The following RPS6KC1 variants were observed in gnomAD, a reference collection of about 807,000 sequenced individuals.
RPS6KC1 encodes ribosomal protein S6 kinase C1, also known as inactive ribosomal protein S6 kinase delta-1.
A neutral mutation model predicts 103.8 loss-of-function variants in RPS6KC1; 54 were observed. That is an observed-to-expected ratio of 0.52 (90% CI 0.42 to 0.65). RPS6KC1 has a LOEUF of 0.65. RPS6KC1 is among the 30% of genes least tolerant of loss of function. RPS6KC1 has a pLI of 0.00. For synonymous variants in RPS6KC1, 439 were observed against 438.7 expected, an observed-to-expected ratio of 1.00 and a Z score of -0.01; for missense variants, 1,151 against 1,253.8, an observed-to-expected ratio of 0.92 and a Z score of 1.24.
chr1:213,439,189 T>C, the RPS6KC1 span, among the ~76,000 whole-genome samples: 75,820 of 152,008 alleles, frequency 0.5, 19,990 homozygotes, highest in East Asian at 0.67. Flanking sequence ...CTCTAGGTCA[T>C]GTTGCCCCAT....
chr1:213,220,415 C>G (rs1228374571), intron 8 of RPS6KC1, among the ~76,000 whole-genome samples: 1 of 152,112 alleles, frequency 6.6e-6, no homozygotes, highest in Non-Finnish European at 1.5e-5. Context: ...CAACCTCTGC[C>G]TCCCAAGTTT....
chr1:213,421,551 C>T, the RPS6KC1 span, among the ~76,000 whole-genome samples: 5 of 152,208 alleles, frequency 3.3e-5, no homozygotes, highest in African/African-American at 9.6e-5. Flanking sequence ...GGTTTGACAT[C>T]CATACAGGGC....
intron 6 of RPS6KC1, among the ~76,000 whole-genome samples, chr1:213,140,042 T>A (rs975183491): frequency 2.0e-5 from 3 of 152,072 alleles, no homozygotes; most frequent in African/African-American, 7.2e-5. Context: ...TAATTCTCAT[T>A]GTAGAGATCG....
chr1:213,357,349 G>A, the RPS6KC1 span, among the ~76,000 whole-genome samples: 2 of 152,118 alleles, frequency 1.3e-5, no homozygotes, highest in South Asian at 2.1e-4. Context: ...CCCTCAGCCT[G>A]GTGCACAGTC....
At chr1:213,565,541 T>A in the RPS6KC1 span, among the ~76,000 whole-genome samples, 1 of 152,350 alleles carries the variant, frequency 6.6e-6, no homozygotes. Flanking sequence ...TGTGCAACTC[T>A]AGCGCAATAA....
At chr1:213,735,612 G>T in the RPS6KC1 span, among the ~76,000 whole-genome samples, 4 of 152,118 alleles carry the variant, frequency 2.6e-5, no homozygotes, top group Admixed American at 2.6e-4. Flanking sequence ...GACCAATTTG[G>T]TACAATGATG....
the RPS6KC1 span, among the ~76,000 whole-genome samples, chr1:213,649,254 C>T: frequency 9.9e-6 from 1 of 101,324 alleles, no homozygotes; most frequent in African/African-American, 3.7e-5. Context: ...TTCAAGTCTC[C>T]ACTTAAAAAA....
chr1:213,301,557 G>A, the RPS6KC1 span, among the ~76,000 whole-genome samples: 1 of 152,060 alleles, frequency 6.6e-6, no homozygotes, highest in Non-Finnish European at 1.5e-5. Context: ...TCTGTAGCTG[G>A]CCATGGTGGT....
chr1:213,409,644 G>A, the RPS6KC1 span, among the ~76,000 whole-genome samples: 8 of 152,224 alleles, frequency 5.3e-5, no homozygotes, highest in Admixed American at 5.2e-4. Context: ...CACGTGCAAA[G>A]CAGAATGACA....
the RPS6KC1 span, among the ~76,000 whole-genome samples, chr1:213,376,005 G>T: frequency 6.6e-6 from 1 of 152,008 alleles, no homozygotes; most frequent in Admixed American, 6.6e-5. Context: ...GTCCTGGCTT[G>T]GGTCAGATGT....
chr1:213,548,201 C>G, the RPS6KC1 span, among the ~76,000 whole-genome samples: 1 of 152,210 alleles, frequency 6.6e-6, no homozygotes, highest in Non-Finnish European at 1.5e-5. Context: ...ATGGTTGAAT[C>G]TTACAGATAC....
intron 3 of RPS6KC1, 86 bp downstream of exon 3, chr1:213,077,902 C>A: frequency 1.5e-6 from 1 of 646,662 alleles, no homozygotes; most frequent in South Asian, 4.7e-5. Context: ...ACTATGAAGT[C>A]AGAAGCCCTT....
intron 5 of RPS6KC1, among the ~76,000 whole-genome samples, chr1:213,125,107 C>A (rs1036133735): frequency 6.6e-6 from 1 of 152,030 alleles, no homozygotes. Context: ...AGATACTGAA[C>A]TTAAGGGCTT....
At chr1:213,698,888 T>A in the RPS6KC1 span, among the ~76,000 whole-genome samples, 4 of 152,106 alleles carry the variant, frequency 2.6e-5, no homozygotes, top group Non-Finnish European at 5.9e-5. Flanking sequence ...TTGTATTATG[T>A]TTTCCCCAGT....
At chr1:213,771,290 G>T in the RPS6KC1 span, among the ~76,000 whole-genome samples, 4 of 151,856 alleles carry the variant, frequency 2.6e-5, no homozygotes, top group Non-Finnish European at 5.9e-5. Context: ...TGTCCTAGAA[G>T]AAATCAAGGT....
At chr1:213,538,088 C>A in the RPS6KC1 span, among the ~76,000 whole-genome samples, 1 of 152,142 alleles carries the variant, frequency 6.6e-6, no homozygotes, top group Non-Finnish European at 1.5e-5. Flanking sequence ...ATCAGGACAT[C>A]TGACCATTAA....
chr1:213,436,914 A>G, the RPS6KC1 span, among the ~76,000 whole-genome samples: 1 of 152,040 alleles, frequency 6.6e-6, no homozygotes, highest in South Asian at 2.1e-4. Context: ...TATTTTTGGA[A>G]TTTGTTTGTA....
intron 1 of RPS6KC1, among the ~76,000 whole-genome samples, chr1:213,054,470 A>G (rs931023960): frequency 6.6e-6 from 1 of 152,212 alleles, no homozygotes; most frequent in African/African-American, 2.4e-5. Context: ...TTTTTTCAGG[A>G]TAATTAACCA....
At chr1:213,128,802 A>T (rs1212037132) in intron 5 of RPS6KC1, among the ~76,000 whole-genome samples, 2 of 152,222 alleles carry the variant, frequency 1.3e-5, no homozygotes, top group African/African-American at 4.8e-5. Context: ...AGTATCCCTA[A>T]TCTGAAAATC....
Sources: allele counts gnomAD v4.1 joint callset (sites outside exome capture counted in the v4.1 genomes callset), GRCh38; gene constraint gnomAD v4.1.1; transcripts MANE v1.5; gene names NCBI Gene and HGNC (gene_info 2026-07-23, HGNC 2026-07-21).